The following MLIP variants were observed in gnomAD, a reference collection of about 807,000 sequenced individuals.
The protein encoded by MLIP is muscular LMNA interacting protein, also known as muscular LMNA-interacting protein.
In MLIP, 79 loss-of-function variants were observed where a neutral mutation model predicts 84.8. The ratio of observed to expected loss-of-function variants is 0.93; its 90% confidence interval spans 0.78 to 1.12. The LOEUF (loss-of-function observed/expected upper bound fraction) is 1.12, where lower values mean the gene tolerates loss of function less well. Ranked by LOEUF, MLIP falls within the 50% of genes most tolerant of loss-of-function variation. The probability of loss-of-function intolerance (pLI) is 0.00; values close to 1 mark genes in which losing one functional copy is unlikely to be tolerated. For missense variants in MLIP, 1,257 were observed against 1,160.6 expected (o/e 1.08, Z -1.21); for synonymous variants, 504 against 463.0 (o/e 1.09, Z -1.14).
chr6:54,260,896 G>A (rs1463429247), intron 13 of MLIP, among the ~76,000 whole-genome samples: 1 of 151,900 alleles, frequency 6.6e-6, no homozygotes, highest in Non-Finnish European at 1.5e-5. Context: ...TCCAAACAGT[G>A]TTTTATTTGT....
At chr6:54,192,003 A>G (rs1777966874) in intron 10 of MLIP, among the ~76,000 whole-genome samples, 1 of 150,838 alleles carries the variant, frequency 6.6e-6, no homozygotes, top group Non-Finnish European at 1.5e-5. Context: ...ATGTGTATAT[A>G]TATATATAAT....
At chr6:54,160,260 T>C (rs1774478958) in intron 5 of MLIP, 107 bp from the exon 6 acceptor site, 1 of 841,010 alleles carries the variant, frequency 1.2e-6, no homozygotes, top group South Asian at 1.7e-5. Flanking sequence ...ACTGTAAATA[T>C]TTTTTTCTTG....
intron 1 of MLIP, among the ~76,000 whole-genome samples, chr6:54,092,471 A>T (rs1040148836): frequency 1.3e-5 from 2 of 152,150 alleles, no homozygotes; most frequent in Admixed American, 1.3e-4. Flanking sequence ...TTTTATTCAT[A>T]GATAGGCAAG....
intron 8 of MLIP, among the ~76,000 whole-genome samples, chr6:54,168,546 A>G (rs1775428749): frequency 6.6e-6 from 1 of 151,728 alleles, no homozygotes; most frequent in Admixed American, 6.6e-5. Context: ...CAATGGCAGG[A>G]CATCTTTGTC....
At chr6:54,076,676 T>C (rs368069158) in intron 1 of MLIP, among the ~76,000 whole-genome samples, 1 of 152,204 alleles carries the variant, frequency 6.6e-6, no homozygotes, top group African/African-American at 2.4e-5. Flanking sequence ...AAATTTTGCA[T>C]AGCATTTTGG....
chr6:54,087,814 CT>C (rs1216859816), intron 1 of MLIP, among the ~76,000 whole-genome samples: 2 of 70,820 alleles, frequency 2.8e-5, no homozygotes, highest in African/African-American at 7.1e-5. Context: ...GGGAAAGATA[CT>C]CTTTTTTTTT....
chr6:54,177,513 G>T (rs533684271), intron 9 of MLIP, among the ~76,000 whole-genome samples: 1 of 152,264 alleles, frequency 6.6e-6, no homozygotes, highest in South Asian at 2.1e-4. Context: ...ACACCAGTCA[G>T]AATGGGAATT....
intron 11 of MLIP, 66 bp from the exon 12 acceptor site, chr6:54,230,648 C>A: frequency 1.4e-6 from 2 of 1,448,856 alleles, no homozygotes; most frequent in South Asian, 2.3e-5. Flanking sequence ...TATCGTAGAC[C>A]TAATTCCAAG....
At chr6:54,152,674 T>C (rs1773574414) in intron 5 of MLIP, among the ~76,000 whole-genome samples, 1 of 152,096 alleles carries the variant, frequency 6.6e-6, no homozygotes, top group African/African-American at 2.4e-5. Context: ...AGCCAAACCA[T>C]ATCAGTCTTG....
chr6:54,252,006 TA>T (rs1782603365), intron 12 of MLIP, among the ~76,000 whole-genome samples: 1 of 88,776 alleles, frequency 1.1e-5, no homozygotes, highest in Non-Finnish European at 1.8e-5. Flanking sequence ...TATTATAACA[TA>T]ATATATAATA....
At chr6:54,058,092 C>G (rs1286401941) in intron 1 of MLIP, 1 of 151,670 alleles carries the variant, frequency 6.6e-6, no homozygotes, top group Non-Finnish European at 1.5e-5. Context: ...AAAATATACT[C>G]TGTATTTTGT....
At chr6:54,141,652 T>C (rs1772325970) in intron 4 of MLIP, among the ~76,000 whole-genome samples, 1 of 152,118 alleles carries the variant, frequency 6.6e-6, no homozygotes, top group Non-Finnish European at 1.5e-5. Flanking sequence ...TTTTTTCCCA[T>C]GCAAAAGACT....
chr6:54,061,582 A>G (rs1765967639), intron 1 of MLIP, among the ~76,000 whole-genome samples: 1 of 152,228 alleles, frequency 6.6e-6, no homozygotes, highest in African/African-American at 2.4e-5. Context: ...TGAAGAATTT[A>G]TATAATTGCA....
intron 5 of MLIP, among the ~76,000 whole-genome samples, chr6:54,149,610 T>C (rs1369246007): frequency 1.3e-5 from 2 of 152,048 alleles, no homozygotes; most frequent in African/African-American, 4.8e-5. Context: ...TAGCTGAGTA[T>C]TCAACTTAGC....
chr6:54,074,652 C>G (rs1766683606), intron 1 of MLIP, among the ~76,000 whole-genome samples: 1 of 152,170 alleles, frequency 6.6e-6, no homozygotes, highest in African/African-American at 2.4e-5. Flanking sequence ...ATTCACACAG[C>G]TGCTGAAGCT....
intron 11 of MLIP, chr6:54,215,497 A>T: frequency 1.3e-6 from 1 of 773,292 alleles, no homozygotes; most frequent in Non-Finnish European, 1.7e-6. Flanking sequence ...CAAAAATTAT[A>T]CCTATTTAAG....
At chr6:54,113,832 C>A (rs1769681115) in intron 1 of MLIP, among the ~76,000 whole-genome samples, 1 of 152,154 alleles carries the variant, frequency 6.6e-6, no homozygotes. Context: ...GTTCCTTCAA[C>A]TTGAGGGTTC....
At chr6:54,065,948 G>A (rs1766210159) in intron 1 of MLIP, among the ~76,000 whole-genome samples, 1 of 97,940 alleles carries the variant, frequency 1.0e-5, no homozygotes, top group African/African-American at 2.6e-5. Context: ...TAAATTATAT[G>A]TATATACATC....
chr6:54,133,663 A>G (rs1046606759), intron 3 of MLIP, among the ~76,000 whole-genome samples: 5 of 152,220 alleles, frequency 3.3e-5, no homozygotes, highest in African/African-American at 1.2e-4. Context: ...CAGTAAAAAT[A>G]CAAGGCAGTT....
Sources: gnomAD v4.1 joint callset for allele counts (sites outside exome capture counted in the v4.1 genomes callset) on GRCh38, gnomAD v4.1.1 for gene constraint, MANE v1.5 for transcripts, NCBI Gene and HGNC (gene_info 2026-07-23, HGNC 2026-07-21) for gene names.